NCOA7: variants seen among roughly 807,000 people sequenced by gnomAD.
NCOA7 encodes the protein 140 kDa estrogen receptor-associated protein.
NCOA7 carries 45 observed loss-of-function variants against 104.3 expected under a neutral mutation model. The observed-to-expected ratio is 0.43, with a 90% CI of 0.34 to 0.55. NCOA7 has a LOEUF of 0.55. Ranked by LOEUF, NCOA7 falls within the 20% of genes least tolerant of loss-of-function variation. The pLI, the probability that NCOA7 is intolerant of heterozygous loss-of-function variation, is 0.02. For synonymous variants in NCOA7, 398 were observed against 402.3 expected, an observed-to-expected ratio of 0.99 and a Z score of 0.13; for missense variants, 1,041 against 1,119.7, an observed-to-expected ratio of 0.93 and a Z score of 1.00.
At chr6:125,830,765 G>A (rs973134366) in intron 2 of NCOA7, among the ~76,000 whole-genome samples, 7 of 142,086 alleles carry the variant, frequency 4.9e-5, no homozygotes, top group African/African-American at 1.8e-4. Flanking sequence ...GTGTGTATGT[G>A]TGTGTGTGTG....
chr6:125,839,339 A>G (rs1026187354), intron 2 of NCOA7, among the ~76,000 whole-genome samples: 1 of 152,152 alleles, frequency 6.6e-6, no homozygotes, highest in Non-Finnish European at 1.5e-5. Flanking sequence ...GCTGGTCTTG[A>G]ACTCCTGATT....
chr6:125,841,225 A>C (rs1171169976), intron 2 of NCOA7, among the ~76,000 whole-genome samples: 5 of 151,950 alleles, frequency 3.3e-5, no homozygotes, highest in African/African-American at 1.2e-4. Context: ...TAGATACACA[A>C]ATACTTACTG....
intron 2 of NCOA7, among the ~76,000 whole-genome samples, chr6:125,830,622 G>T (rs1779083753): frequency 1.3e-5 from 2 of 152,110 alleles, no homozygotes; most frequent in South Asian, 4.1e-4. Context: ...TGGGAGGATT[G>T]CTTGAGCCTG....
At chr6:125,920,789 A>G (rs1318688367) in intron 11 of NCOA7, among the ~76,000 whole-genome samples, 154 bp from the exon 12 acceptor site, 4 of 152,210 alleles carry the variant, frequency 2.6e-5, no homozygotes, top group Non-Finnish European at 5.9e-5. Flanking sequence ...CTGAAACTGA[A>G]AAATTAGCCA....
chr6:125,796,532 A>AC (rs1775351099), intron 1 of NCOA7: 1 of 151,978 alleles, frequency 6.6e-6, no homozygotes. Context: ...GACTTAAAAT[A>AC]CCCCAATTCA....
At chr6:125,884,245 T>C (rs1188687955) in intron 7 of NCOA7, among the ~76,000 whole-genome samples, 8 of 152,378 alleles carry the variant, frequency 5.3e-5, no homozygotes, top group South Asian at 2.1e-4. Flanking sequence ...TCTTTATTCA[T>C]CTATTGATAG....
At position 125,860,701 on chromosome 6, in the gene NCOA7, C is replaced by T. The variant is rs78788553; in HGVS notation, c.271+5461C>T. On this transcript the variant is annotated intron_variant, in intron 3 of 15. Coordinates refer to ENST00000392477, the MANE Select transcript of NCOA7 (RefSeq NM_181782.5). ...TATTTCTTAAACTTAGAATAGTGAA[C>T]ATCTTTGCTTCTAAGAATATGGAGA... 5.8e-3 allele frequency among the ~76,000 whole-genome samples: 890 copies of T among 152,260 alleles called. 7 individuals carry two copies. The highest frequency in any genetic ancestry group is 0.02 in the African/African-American group (830 of 41,564).
intron 10 of NCOA7, among the ~76,000 whole-genome samples, chr6:125,894,950 C>T (rs962189276): frequency 6.6e-6 from 1 of 152,044 alleles, no homozygotes; most frequent in Admixed American, 6.6e-5. Flanking sequence ...ATCCTGAGAA[C>T]CTTATGAAAA....
chr6:125,790,575 G>T (rs1037281109), upstream of NCOA7, among the ~76,000 whole-genome samples: 7 of 152,142 alleles, frequency 4.6e-5, no homozygotes, highest in East Asian at 1.4e-3. Flanking sequence ...GGAGGTCGCG[G>T]GGGGCGGGGA....
intron 10 of NCOA7, among the ~76,000 whole-genome samples, chr6:125,906,683 A>G (rs1353942241): frequency 6.6e-6 from 1 of 152,096 alleles, no homozygotes; most frequent in Admixed American, 6.6e-5. Flanking sequence ...GAGAGGAGGA[A>G]GAGGGGTCAG....
intron 3 of NCOA7, among the ~76,000 whole-genome samples, chr6:125,862,902 A>G (rs1782170643): frequency 7.2e-6 from 1 of 138,464 alleles, no homozygotes; most frequent in Non-Finnish European, 1.5e-5. Context: ...GGCTGAAGCA[A>G]GAGAACCGCT....
At chr6:125,791,253 GGGAGGCCGAGCGGGGGCGAA>G (rs1267517896) in intron 1 of NCOA7, among the ~76,000 whole-genome samples, 186 bp downstream of exon 1, 1 of 152,206 alleles carries the variant, frequency 6.6e-6, no homozygotes, top group Non-Finnish European at 1.5e-5. Context: ...GCTTGAGCTC[GGGAGGCCGAGCGGGGGCGAA>G]GGAGAGATTG....
At chr6:125,814,071 G>A (rs1383932187) in intron 1 of NCOA7, among the ~76,000 whole-genome samples, 3 of 152,152 alleles carry the variant, frequency 2.0e-5, no homozygotes, top group African/African-American at 7.2e-5. Context: ...CATGTAGTAT[G>A]TATTGTGGAT....
At chr6:125,790,697 T>C (rs1321728850), upstream of NCOA7, 2 of 151,878 alleles carry the variant, frequency 1.3e-5, no homozygotes, top group Non-Finnish European at 2.9e-5. Context: ...GAGGCGGGCG[T>C]CTGCACAGCG....
chr6:125,892,283 G>A (rs1388206006), intron 10 of NCOA7, among the ~76,000 whole-genome samples: 1 of 152,082 alleles, frequency 6.6e-6, no homozygotes, highest in Non-Finnish European at 1.5e-5. Flanking sequence ...GACTCTCGTA[G>A]AATAATTGAA....
At chr6:125,846,498 G>A (rs1780631003) in intron 2 of NCOA7, among the ~76,000 whole-genome samples, 1 of 152,022 alleles carries the variant, frequency 6.6e-6, no homozygotes, top group Non-Finnish European at 1.5e-5. Context: ...AAGTCCCAGG[G>A]GGTTTATCAT....
At chr6:125,872,248 GC>G (rs1248212890) in intron 3 of NCOA7, among the ~76,000 whole-genome samples, 1 of 152,170 alleles carries the variant, frequency 6.6e-6, no homozygotes, top group Non-Finnish European at 1.5e-5. Flanking sequence ...GAAAGGCTCA[GC>G]AAACACATAT....
intron 10 of NCOA7, among the ~76,000 whole-genome samples, chr6:125,914,463 G>GT (rs1324004531): frequency 6.6e-6 from 1 of 152,066 alleles, no homozygotes; most frequent in Non-Finnish European, 1.5e-5. Flanking sequence ...TGGTATTTCT[G>GT]TTTTTGTTTT....
chr6:125,846,361 ATT>A (rs139496689), intron 2 of NCOA7, among the ~76,000 whole-genome samples: 22,008 of 148,252 alleles, frequency 0.15, 2,345 homozygotes, highest in African/African-American at 0.3. Flanking sequence ...AGAAAAAAAA[ATT>A]TTTTTTTTTT....
Sources: allele counts gnomAD v4.1 joint callset (sites outside exome capture counted in the v4.1 genomes callset), GRCh38; gene constraint gnomAD v4.1.1; transcripts MANE v1.5; gene names NCBI Gene and HGNC (gene_info 2026-07-23, HGNC 2026-07-21).